The following RNF125 variants were observed in gnomAD, a reference collection of about 807,000 sequenced individuals.
RNF125 encodes the protein ring finger protein 125.
A neutral mutation model predicts 26.0 loss-of-function variants in RNF125; 21 were observed. The observed-to-expected ratio is 0.81, with a 90% confidence interval of 0.57 to 1.16. The LOEUF (loss-of-function observed/expected upper bound fraction) is 1.16, where lower values mean the gene tolerates loss of function less well. Among genes scored for constraint, RNF125 ranks in the 50% most tolerant of loss-of-function variants. RNF125 has a pLI of 0.00. For missense variants in RNF125, 270 were observed against 299.4 expected (o/e 0.90, Z 0.72); for synonymous variants, 95 against 109.2 (o/e 0.87, Z 0.81).
At chr18:32,042,313 A>G (rs765863296) in intron 3 of RNF125, 40 bp downstream of exon 3, 1 of 1,242,666 alleles carries the variant, frequency 8.0e-7, no homozygotes, top group African/African-American at 1.5e-5. Flanking sequence ...TAAAATTGAT[A>G]ATGTTTATAA....
the RNF125 span, among the ~76,000 whole-genome samples, chr18:32,083,229 G>T: frequency 1.1e-4 from 16 of 152,300 alleles, no homozygotes; most frequent in Admixed American, 8.5e-4. Flanking sequence ...GTCTAAGGTT[G>T]CAGTATCATG....
In RNF125 at chr18:32,037,274, G is replaced by T; in HGVS notation, c.318+5G>T. ...TGCGCTGAGTGTGACACCCTGGTATGTATGTGACCCCACCTATTTTCATGG... is the reference window on the plus strand; with the variant it reads ...TGCGCTGAGTGTGACACCCTGGTATTTATGTGACCCCACCTATTTTCATGG... On this transcript the variant is annotated splice_donor_5th_base_variant and intron_variant, in intron 2 of 5. Coordinates refer to ENST00000217740, the MANE Select transcript of RNF125 (RefSeq NM_017831.4). 1 of 1,496,170 alleles carries T rather than the reference G, an allele frequency of 6.7e-7. No individual in the cohort carries two copies. The highest frequency in any genetic ancestry group is 8.9e-7 in the Non-Finnish European group (1 of 1,121,070). The allele number at this position is 1,496,170 out of a possible 1,614,324, so 92.7% of individuals were successfully genotyped here.
At chr18:32,037,413 C>G in intron 2 of RNF125, 144 bp downstream of exon 2, 1 of 514,378 alleles carries the variant, frequency 1.9e-6, no homozygotes, top group South Asian at 3.2e-5. Flanking sequence ...GCTCTTTCAC[C>G]CAGGTTGGAG....
At chr18:32,063,265 T>C (rs1456727413) in intron 4 of RNF125, among the ~76,000 whole-genome samples, 1 of 149,820 alleles carries the variant, frequency 6.7e-6, no homozygotes, top group Non-Finnish European at 1.5e-5. Context: ...TGAATAAATA[T>C]AATTTTAAAA....
chr18:32,051,594 G>A (rs1367630389), intron 4 of RNF125, among the ~76,000 whole-genome samples: 5 of 129,170 alleles, frequency 3.9e-5, no homozygotes, highest in African/African-American at 5.9e-5. Flanking sequence ...CAGCCTGGGC[G>A]ACAAGAGCAA....
intron 1 of RNF125, among the ~76,000 whole-genome samples, chr18:32,020,648 C>T (rs2038977982): frequency 6.6e-6 from 1 of 151,652 alleles, no homozygotes; most frequent in Non-Finnish European, 1.5e-5. Context: ...GTGGCTCACA[C>T]CTGTAATCCT....
intron 4 of RNF125, among the ~76,000 whole-genome samples, chr18:32,065,344 T>A (rs937532819): frequency 1.3e-5 from 2 of 152,148 alleles, no homozygotes; most frequent in Non-Finnish European, 2.9e-5. Flanking sequence ...TTAAAGTGAT[T>A]CTCCTGCCTC....
intron 1 of RNF125, among the ~76,000 whole-genome samples, chr18:32,019,416 A>G (rs1231571403): frequency 6.6e-6 from 1 of 152,148 alleles, no homozygotes; most frequent in Non-Finnish European, 1.5e-5. Flanking sequence ...GCTACAAGGC[A>G]GGGGCTCCCG....
At chr18:32,050,735 C>CT in intron 4 of RNF125, among the ~76,000 whole-genome samples, 1 of 152,034 alleles carries the variant, frequency 6.6e-6, no homozygotes, top group Middle Eastern at 3.4e-3. Flanking sequence ...TATGAGACCA[C>CT]TTTTTTTCTT....
chr18:32,080,798 C>G, the RNF125 span, among the ~76,000 whole-genome samples: 2 of 152,192 alleles, frequency 1.3e-5, no homozygotes, highest in South Asian at 4.1e-4. Flanking sequence ...ATGGCGTGAA[C>G]CCGGGAGGCG....
Position 32,031,486 on chromosome 18 carries a change from G to GAAAAAAAAAAA in RNF125, c.165-5614_165-5604dup, listed in dbSNP as rs745809061. 1.7e-3 allele frequency: 35 copies of GAAAAAAAAAAA among 20,954 alleles called. 3 individuals carry two copies. Among genetic ancestry groups the GAAAAAAAAAAA allele is most frequent in the African/African-American group, 3.7e-3 (33 of 8,826 alleles). 1.3% of individuals were successfully genotyped at this position (20,954 alleles called of 1,614,324 possible). On this transcript the variant is annotated intron_variant, in intron 1 of 5. Transcript: ENST00000217740. ...CATTGGCATACAACTCAAATTGTGG[G>GAAAAAAAAAAA]AAAAAAAAAAAAAAAAAAAAAAAAA... is the stretch of plus-strand genomic sequence containing the variant.
At chr18:32,060,564 T>C (rs2039425385) in intron 4 of RNF125, among the ~76,000 whole-genome samples, 2 of 152,154 alleles carry the variant, frequency 1.3e-5, no homozygotes, top group Admixed American at 1.3e-4. Context: ...ATATAAGTAG[T>C]ATAGCCTGGG....
At chr18:32,080,154 T>A in the RNF125 span, among the ~76,000 whole-genome samples, 2 of 152,126 alleles carry the variant, frequency 1.3e-5, no homozygotes, top group African/African-American at 2.4e-5. Flanking sequence ...TCTGACTCCC[T>A]GGTAGCTGGG....
the RNF125 span, among the ~76,000 whole-genome samples, chr18:32,079,535 G>A: frequency 1.3e-5 from 2 of 152,188 alleles, no homozygotes; most frequent in Non-Finnish European, 2.9e-5. Flanking sequence ...AATGAAGAAA[G>A]CAGCCCTGTG....
the RNF125 span, among the ~76,000 whole-genome samples, chr18:32,084,480 A>C: frequency 6.6e-6 from 1 of 152,208 alleles, no homozygotes; most frequent in African/African-American, 2.4e-5. Flanking sequence ...CTAGGACAGC[A>C]TAGTTTATTC....
chr18:32,078,339 T>C, the RNF125 span, among the ~76,000 whole-genome samples: 1 of 152,218 alleles, frequency 6.6e-6, no homozygotes, highest in Admixed American at 6.5e-5. Flanking sequence ...CCATTCATAA[T>C]GACAAAAAAA....
chr18:32,081,753 T>C, the RNF125 span, among the ~76,000 whole-genome samples: 1 of 152,214 alleles, frequency 6.6e-6, no homozygotes, highest in African/African-American at 2.4e-5. Flanking sequence ...CTTTCTCTGT[T>C]CAAATTATTG....
chr18:32,026,297 AGAGTGCAGTGGCCC>A (rs1345560267), intron 1 of RNF125, among the ~76,000 whole-genome samples: 31 of 121,498 alleles, frequency 2.6e-4, no homozygotes, highest in African/African-American at 1.0e-3. Context: ...CGTCCAGGCT[AGAGTGCAGTGGCCC>A]GATCTGGGCT....
chr18:32,077,108 T>C (rs2039575259), downstream of RNF125, among the ~76,000 whole-genome samples: 1 of 152,172 alleles, frequency 6.6e-6, no homozygotes, highest in South Asian at 2.1e-4. Flanking sequence ...ACATGTCAAG[T>C]ACTTAGTAAA....
Sources: gnomAD v4.1 joint callset for allele counts (sites outside exome capture counted in the v4.1 genomes callset) on GRCh38, gnomAD v4.1.1 for gene constraint, MANE v1.5 for transcripts, NCBI Gene and HGNC (gene_info 2026-07-23, HGNC 2026-07-21) for gene names.